Variants in TTLL5 observed in about 807,000 individuals in gnomAD.
TTLL5 encodes tubulin polyglutamylase TTLL5.
In TTLL5, 132 loss-of-function variants were observed where a neutral mutation model predicts 168.4. The ratio of observed to expected loss-of-function variants is 0.78; its 90% confidence interval spans 0.68 to 0.91. The LOEUF (loss-of-function observed/expected upper bound fraction) is 0.91. TTLL5 is among the 40% of genes least tolerant of loss of function. The pLI is 0.00. For synonymous variants in TTLL5, 546 were observed against 558.6 expected (o/e 0.98, Z 0.32); for missense variants, 1,545 against 1,581.5 (o/e 0.98, Z 0.39).
chr14:75,694,614 A>G (rs553537872), intron 6 of TTLL5, among the ~76,000 whole-genome samples: 2 of 152,330 alleles, frequency 1.3e-5, no homozygotes, highest in Non-Finnish European at 2.9e-5. Flanking sequence ...GATTACAGGC[A>G]TAAGCCACTG....
intron 17 of TTLL5, among the ~76,000 whole-genome samples, chr14:75,752,237 T>C (rs946077628): frequency 1.3e-5 from 2 of 152,224 alleles, no homozygotes; most frequent in African/African-American, 4.8e-5. Flanking sequence ...CCAGTAGGCC[T>C]CAGCCTCATT....
At chr14:75,918,770 A>G (rs1376768185) in intron 31 of TTLL5, among the ~76,000 whole-genome samples, 2 of 152,196 alleles carry the variant, frequency 1.3e-5, no homozygotes, top group African/African-American at 4.8e-5. Context: ...CTCTTAAATT[A>G]TGGAGATTAA....
rs908171908 is a variant in TTLL5, at chr14:75,782,381, G to A, written c.2516-106G>A. 11 of 855,602 alleles carry A rather than the reference G, an allele frequency of 1.3e-5. No homozygotes were observed. The African/African-American group carries it at 1.9e-4, about 15-fold the overall frequency. 53.0% of individuals were successfully genotyped at this position (855,602 alleles called of 1,614,324 possible). On this transcript the variant is annotated intron_variant, in intron 24 of 31. Coordinates refer to ENST00000298832, the MANE Select transcript of TTLL5 (RefSeq NM_015072.5). Reference sequence around the variant, plus strand: ...GTGATGAGACGTGCCATGTTTCCCAGCATTGATTAGCAGTTGTGTTATATT... The same window carrying A: ...GTGATGAGACGTGCCATGTTTCCCAACATTGATTAGCAGTTGTGTTATATT...
intron 28 of TTLL5, chr14:75,837,461 T>C (rs937274704): frequency 1.3e-5 from 2 of 152,186 alleles, no homozygotes; most frequent in African/African-American, 4.8e-5. Flanking sequence ...ATCTTAACCA[T>C]TTTTAACCAT....
intron 21 of TTLL5, among the ~76,000 whole-genome samples, chr14:75,772,577 A>G (rs972307829): frequency 7.2e-5 from 11 of 152,030 alleles, no homozygotes; most frequent in African/African-American, 2.4e-4. Flanking sequence ...GTATTCTAGG[A>G]CAGTTTTGTG....
chr14:75,851,817 T>A (rs951008373), intron 28 of TTLL5, among the ~76,000 whole-genome samples: 9 of 152,188 alleles, frequency 5.9e-5, no homozygotes, highest in African/African-American at 2.2e-4. Flanking sequence ...CAAAACTTGG[T>A]GTAAAGGCAT....
At chr14:75,717,984 G>C (rs780563192) in intron 10 of TTLL5, 22 bp downstream of exon 10, 34 of 1,606,968 alleles carry the variant, frequency 2.1e-5, no homozygotes, top group Non-Finnish European at 2.9e-5. Context: ...GTCTGAGCCA[G>C]AAGTCAGAGG....
chr14:75,814,131 A>T (rs151165181), intron 27 of TTLL5, among the ~76,000 whole-genome samples: 1 of 152,202 alleles, frequency 6.6e-6, no homozygotes, highest in African/African-American at 2.4e-5. Context: ...GTATAATGCA[A>T]ATATTCCAAA....
intron 15 of TTLL5, 28 bp downstream of exon 15, chr14:75,735,317 G>C (rs750779883): frequency 6.2e-7 from 1 of 1,608,642 alleles, no homozygotes; most frequent in South Asian, 1.1e-5. Flanking sequence ...CAGGGAGCCT[G>C]AAGGAGGCTT....
In TTLL5 at chr14:75,793,025, A is replaced by T. The variant is rs1396679992; in HGVS notation, c.3096A>T (p.Glu1032Asp). 6.2e-7 allele frequency: 1 copy of T among 1,613,806 alleles called. No homozygotes were observed. Among genetic ancestry groups the T allele is most frequent in the Admixed American group, 1.7e-5 (1 of 60,026 alleles). Reference protein sequence around the residue: ...KRYNQSMVTAELQRLAEKQAA... With the variant: ...KRYNQSMVTADLQRLAEKQAA... ...ACAACCAAAGTATGGTTACAGCTGA[A>T]CTTCAGCGGCTAGCTGAGAAGCAGG... Residue 1032 changes from glutamate to aspartate, a missense_variant, in exon 27 of 32, where the codon GAA (glutamate) becomes GAT (aspartate). Transcript: ENST00000298832.
chr14:75,690,005 C>A, intron 5 of TTLL5, 187 bp from the exon 6 acceptor site: 1 of 566,622 alleles, frequency 1.8e-6, no homozygotes, highest in Admixed American at 4.3e-5. Context: ...ATGAAAAAAT[C>A]TGACCAAAAA....
intron 30 of TTLL5, among the ~76,000 whole-genome samples, chr14:75,887,921 C>A (rs1253735694): frequency 6.6e-6 from 1 of 152,144 alleles, no homozygotes. Context: ...GGGGGAATTT[C>A]TTTTAGATGT....
intron 27 of TTLL5, among the ~76,000 whole-genome samples, chr14:75,819,762 A>G (rs1894724847): frequency 6.6e-6 from 1 of 152,206 alleles, no homozygotes; most frequent in Non-Finnish European, 1.5e-5. Context: ...GACCCGGCAC[A>G]GTCCAGTGCC....
At chr14:75,784,990 C>G (rs992293597) in intron 26 of TTLL5, among the ~76,000 whole-genome samples, 9 of 151,842 alleles carry the variant, frequency 5.9e-5, no homozygotes, top group Admixed American at 5.9e-4. Flanking sequence ...AGATAAAAAC[C>G]CTTTGTCAGA....
At chr14:75,927,086 T>C (rs1203398683) in intron 31 of TTLL5, among the ~76,000 whole-genome samples, 1 of 152,200 alleles carries the variant, frequency 6.6e-6, no homozygotes, top group Admixed American at 6.5e-5. Flanking sequence ...TTACCCCATT[T>C]TGTGTTTGTG....
At chr14:75,837,659 C>T (rs561630632) in intron 28 of TTLL5, among the ~76,000 whole-genome samples, 1 of 152,314 alleles carries the variant, frequency 6.6e-6, no homozygotes, top group East Asian at 1.9e-4. Context: ...ATGATTTTGA[C>T]TACTCTAGGT....
intron 28 of TTLL5, 111 bp downstream of exon 28, chr14:75,820,272 C>A (rs2140414742): frequency 6.2e-6 from 7 of 1,128,888 alleles, no homozygotes; most frequent in Non-Finnish European, 8.1e-6. Context: ...AGGCATATGC[C>A]CTTTCTCCAC....
intron 4 of TTLL5, among the ~76,000 whole-genome samples, chr14:75,683,330 A>G (rs1273069692): frequency 1.3e-5 from 2 of 152,202 alleles, no homozygotes; most frequent in Non-Finnish European, 2.9e-5. Flanking sequence ...GGGTTAATTT[A>G]TTTTAGTTTC....
In TTLL5 at chr14:75,753,590, G is replaced by A. The variant is rs768815071; in HGVS notation, c.1550+635G>A. 7.9e-5 allele frequency among the ~76,000 whole-genome samples: 12 copies of A among 152,222 alleles called. No homozygotes were observed. In the South Asian group the frequency reaches 1.0e-3, roughly 13 times the overall value. ...TATATTATTTTGAGGATATATGTACGTTTTTGAAGGATTCTTAAAATAGAT... is the reference window on the plus strand; with the variant it reads ...TATATTATTTTGAGGATATATGTACATTTTTGAAGGATTCTTAAAATAGAT... On this transcript the variant is annotated intron_variant, in intron 18 of 31. Coordinates refer to ENST00000298832, the MANE Select transcript of TTLL5 (RefSeq NM_015072.5).
Sources: gnomAD v4.1 joint callset for allele counts (sites outside exome capture counted in the v4.1 genomes callset) on GRCh38, gnomAD v4.1.1 for gene constraint, MANE v1.5 for transcripts, NCBI Gene and HGNC (gene_info 2026-07-23, HGNC 2026-07-21) for gene names.